Variants in RABGAP1L observed in about 807,000 individuals in gnomAD.
The protein encoded by RABGAP1L is rab GTPase-activating protein 1-like.
Under a neutral mutation model 137.7 loss-of-function variants are expected in RABGAP1L, and 63 were observed. That is an observed-to-expected ratio of 0.46 (90% CI 0.37 to 0.56). The LOEUF is 0.56. Among genes scored for constraint, RABGAP1L ranks in the 20% least tolerant of loss-of-function variants. RABGAP1L has a pLI of 0.00. For missense variants in RABGAP1L, 1,095 were observed against 1,244.0 expected (o/e 0.88, Z 1.80); for synonymous variants, 431 against 433.7 (o/e 0.99, Z 0.08).
At chr1:174,338,468 T>A (rs1251326634) in intron 11 of RABGAP1L, among the ~76,000 whole-genome samples, 1 of 151,970 alleles carries the variant, frequency 6.6e-6, no homozygotes, top group Admixed American at 6.6e-5. Flanking sequence ...AATCACCTCC[T>A]GTAGCAATGT....
intron 19 of RABGAP1L, among the ~76,000 whole-genome samples, chr1:174,883,966 T>A (rs1339050508): frequency 6.6e-6 from 1 of 152,142 alleles, no homozygotes; most frequent in East Asian, 1.9e-4. Flanking sequence ...TCAAAAGTCT[T>A]TGGGAATGGG....
chr1:174,341,757 A>G (rs1259511820), intron 11 of RABGAP1L, among the ~76,000 whole-genome samples: 2 of 152,202 alleles, frequency 1.3e-5, no homozygotes, highest in African/African-American at 4.8e-5. Context: ...TAATTATCTT[A>G]TGACCTGAAG....
At chr1:174,859,239 T>C (rs1649824663) in intron 19 of RABGAP1L, among the ~76,000 whole-genome samples, 1 of 152,090 alleles carries the variant, frequency 6.6e-6, no homozygotes, top group Non-Finnish European at 1.5e-5. Context: ...CCCAGCACTT[T>C]GGGAGGCCAA....
intron 17 of RABGAP1L, among the ~76,000 whole-genome samples, chr1:174,720,247 A>T (rs1371958948): frequency 2.1e-5 from 3 of 143,212 alleles, no homozygotes; most frequent in Non-Finnish European, 4.5e-5. Context: ...AGCTAGCTAG[A>T]TGTAGATAGA....
chr1:174,833,042 A>AG (rs1692281600), intron 19 of RABGAP1L, among the ~76,000 whole-genome samples: 1 of 152,160 alleles, frequency 6.6e-6, no homozygotes, highest in Non-Finnish European at 1.5e-5. Context: ...TGACAAAGCC[A>AG]AATTTTGAAT....
At chr1:174,507,172 A>T (rs1414481860) in intron 13 of RABGAP1L, among the ~76,000 whole-genome samples, 1 of 152,254 alleles carries the variant, frequency 6.6e-6, no homozygotes, top group Non-Finnish European at 1.5e-5. Context: ...AATGAGTAAG[A>T]GTCTGAAGTG....
rs532994918 is a variant in RABGAP1L, at chr1:174,465,508, G to A, written c.1710+71363G>A. On this transcript the variant is annotated intron_variant, in intron 13 of 25. Transcript: ENST00000681986. ...AGCCACCATGCCCGGCCTATTGAGCGTCTTTTGTGTGCAAGTCATTGTTTA... is the reference window on the plus strand; with the variant it reads ...AGCCACCATGCCCGGCCTATTGAGCATCTTTTGTGTGCAAGTCATTGTTTA... 4.3e-4 allele frequency among the ~76,000 whole-genome samples: 65 copies of A among 152,154 alleles called. 2 individuals carry two copies. The highest frequency in any genetic ancestry group is 1.4e-3 in the African/African-American group (58 of 41,542).
At chr1:174,452,324 A>G (rs755248524) in intron 13 of RABGAP1L, among the ~76,000 whole-genome samples, 4 of 152,190 alleles carry the variant, frequency 2.6e-5, no homozygotes, top group Non-Finnish European at 4.4e-5. Flanking sequence ...CACTATTAGT[A>G]TATGAAACTT....
At chr1:174,840,397 T>G (rs1355169635) in intron 19 of RABGAP1L, among the ~76,000 whole-genome samples, 1 of 152,134 alleles carries the variant, frequency 6.6e-6, no homozygotes, top group African/African-American at 2.4e-5. Flanking sequence ...TGCCCACAGC[T>G]GCAGATCTCA....
At position 174,537,184 on chromosome 1, in the gene RABGAP1L, A is replaced by G. The variant is rs375119188; in HGVS notation, c.1711-100191A>G. On this transcript the variant is annotated intron_variant, in intron 13 of 25. Coordinates refer to ENST00000681986, the MANE Select transcript of RABGAP1L (RefSeq NM_001366446.1). ...TTTTTCTGACTTAGATGAAGTTTCA[A>G]TTAAAAATAGACTATAAACTTATAT... Among the ~76,000 whole-genome samples the G allele has an allele frequency of 2.6e-4, 40 of 152,304 alleles. No homozygotes were observed. The East Asian group carries it at 6.2e-3, about 23-fold the overall frequency.
At chr1:174,918,263 A>G (rs931286155) in intron 19 of RABGAP1L, among the ~76,000 whole-genome samples, 2 of 152,178 alleles carry the variant, frequency 1.3e-5, no homozygotes, top group Non-Finnish European at 2.9e-5. Flanking sequence ...AGTTTATTAT[A>G]TATTTTAGTT....
At chr1:174,881,998 A>T (rs968405028) in intron 19 of RABGAP1L, among the ~76,000 whole-genome samples, 1 of 151,884 alleles carries the variant, frequency 6.6e-6, no homozygotes, top group African/African-American at 2.4e-5. Context: ...AGTATCTGGG[A>T]TTATAGGCAT....
intron 11 of RABGAP1L, among the ~76,000 whole-genome samples, chr1:174,369,511 A>T (rs1325555772): frequency 6.6e-6 from 1 of 152,154 alleles, no homozygotes; most frequent in African/African-American, 2.4e-5. Flanking sequence ...GTCCTCTTTC[A>T]CTATAAAAAG....
In RABGAP1L at chr1:174,305,021, A is replaced by G; in HGVS notation, c.1359A>G (p.Ala453=). The change falls in exon 11 of 26, where the codon GCA becomes GCG. Residue 453 remains alanine (A), a synonymous_variant. Coordinates refer to ENST00000681986, the MANE Select transcript of RABGAP1L (RefSeq NM_001366446.1). ...AAGGCCATACCAATGCTGGAGATGC[A>G]ATATATGAGGTGGTGAGTCTACAGC... ...EGKGHTNAGD[A]IYEVVSLQRE... 1 of 1,564,298 alleles carries G rather than the reference A, an allele frequency of 6.4e-7. No individual in the cohort carries two copies. The highest frequency in any genetic ancestry group is 8.6e-7 in the Non-Finnish European group (1 of 1,159,592).
At chr1:174,389,826 C>G (rs1260784318) in intron 12 of RABGAP1L, among the ~76,000 whole-genome samples, 3 of 152,042 alleles carry the variant, frequency 2.0e-5, no homozygotes, top group African/African-American at 7.2e-5. Context: ...TGCATTAAAA[C>G]CTAGCCAATT....
intron 10 of RABGAP1L, among the ~76,000 whole-genome samples, chr1:174,297,627 G>C (rs1480633049): frequency 6.6e-6 from 1 of 152,166 alleles, no homozygotes; most frequent in African/African-American, 2.4e-5. Flanking sequence ...GCTTCCTGCT[G>C]ATAGGGGGTG....
At chr1:174,647,586 A>G (rs187766532) in intron 14 of RABGAP1L, among the ~76,000 whole-genome samples, 1 of 151,586 alleles carries the variant, frequency 6.6e-6, no homozygotes, top group Non-Finnish European at 1.5e-5. Context: ...AAGCTTTTTC[A>G]TTTGCTACTG....
intron 12 of RABGAP1L, among the ~76,000 whole-genome samples, chr1:174,389,378 C>T (rs1290425564): frequency 6.6e-6 from 1 of 151,948 alleles, no homozygotes; most frequent in East Asian, 1.9e-4. Flanking sequence ...ATCAAAATTT[C>T]TCTAATTCCA....
In RABGAP1L at chr1:174,816,821, T is replaced by C. The variant is rs192040944; in HGVS notation, c.2340+4861T>C. Among the ~76,000 whole-genome samples the C allele has an allele frequency of 3.4e-3, 507 of 147,210 alleles. 2 individuals are homozygous for C. The highest frequency in any genetic ancestry group is 0.022 in the South Asian group (97 of 4,390). ...ATCCCTGCCTCCTGCAACCTTCGCCTCCCTGGTTCAAGCAGTTCCCCTGCC... is the reference window on the plus strand; with the variant it reads ...ATCCCTGCCTCCTGCAACCTTCGCCCCCCTGGTTCAAGCAGTTCCCCTGCC... On this transcript the variant is annotated intron_variant, in intron 19 of 25. Coordinates refer to ENST00000681986, the MANE Select transcript of RABGAP1L (RefSeq NM_001366446.1).
Sources: allele counts gnomAD v4.1 joint callset (sites outside exome capture counted in the v4.1 genomes callset), GRCh38; gene constraint gnomAD v4.1.1; transcripts MANE v1.5; gene names NCBI Gene and HGNC (gene_info 2026-07-23, HGNC 2026-07-21).